Variants in UQCC2 observed in about 807,000 individuals in gnomAD.
UQCC2 encodes breast cancer-associated protein SGA-81M.
Under a neutral mutation model 19.9 loss-of-function variants are expected in UQCC2, and 21 were observed. The observed-to-expected ratio is 1.05, with a 90% CI of 0.75 to 1.52. UQCC2 has a LOEUF of 1.52. Among genes scored for constraint, UQCC2 ranks in the 40% most tolerant of loss-of-function variants. UQCC2 has a pLI of 0.00. For missense variants in UQCC2, 135 were observed against 157.5 expected, an observed-to-expected ratio of 0.86 and a Z score of 0.76; for synonymous variants, 57 against 60.9, an observed-to-expected ratio of 0.94 and a Z score of 0.30.
At chr6:33,708,243 C>T (rs998761014) in intron 1 of UQCC2, among the ~76,000 whole-genome samples, 3 of 152,154 alleles carry the variant, frequency 2.0e-5, no homozygotes, top group African/African-American at 4.8e-5. Flanking sequence ...AGTGGTTTGA[C>T]GTTCATGGAA....
At chr6:33,709,690 TAC>T (rs1287061007) in intron 1 of UQCC2, among the ~76,000 whole-genome samples, 5 of 152,004 alleles carry the variant, frequency 3.3e-5, no homozygotes, top group Admixed American at 2.0e-4. Flanking sequence ...CAATCAGCAG[TAC>T]AGTCACAATG....
intron 1 of UQCC2, among the ~76,000 whole-genome samples, chr6:33,711,243 C>T (rs1031804839): frequency 2.0e-5 from 3 of 152,158 alleles, no homozygotes; most frequent in Admixed American, 6.5e-5. Flanking sequence ...TCATCCTGGG[C>T]TCAAGCGATC....
At position 33,708,175 on chromosome 6, in the gene UQCC2, T is replaced by C. The variant is rs1765721934; in HGVS notation, c.138+3374A>G. Among the ~76,000 whole-genome samples, 3 of 152,220 alleles carry C rather than the reference T, an allele frequency of 2.0e-5. No individual in the cohort carries two copies. In the South Asian group the frequency reaches 6.2e-4, roughly 31 times the overall value. On this transcript the variant is annotated intron_variant, in intron 1 of 3. Transcript: ENST00000607484. ...AGGTGGGTAAACACAGGGAGTTCCA[T>C]TTGCTGCCCAAACTATCTATGGCCC...
chr6:33,699,582 A>AT lies in UQCC2; in HGVS notation c.283+861dup, dbSNP rs560838092. On this transcript the variant is annotated intron_variant, in intron 3 of 3. Coordinates refer to ENST00000607484, the MANE Select transcript of UQCC2 (RefSeq NM_032340.4). The stretch of plus-strand genomic sequence containing the variant: ...AATAAAGTGATTCTGCCTGGCCAAA[A>AT]TATCTTCACCACAGTTTCCCAGAGA... Among the ~76,000 whole-genome samples, 17 of 152,360 alleles carry AT rather than the reference A, an allele frequency of 1.1e-4. No homozygotes were observed. In the East Asian group the frequency reaches 1.9e-3, roughly 17 times the overall value.
At chr6:33,710,053 C>CA (rs1765747694) in intron 1 of UQCC2, among the ~76,000 whole-genome samples, 1 of 152,048 alleles carries the variant, frequency 6.6e-6, no homozygotes, top group Non-Finnish European at 1.5e-5. Flanking sequence ...ATGCCCAGGC[C>CA]AAAAAATATC....
intron 1 of UQCC2, among the ~76,000 whole-genome samples, chr6:33,701,664 A>G (rs1765642057): frequency 6.6e-6 from 1 of 152,124 alleles, no homozygotes; most frequent in Admixed American, 6.5e-5. Flanking sequence ...TCAATTAATC[A>G]GCAAACAAGC....
At chr6:33,705,272 C>G (rs1195481056) in intron 1 of UQCC2, among the ~76,000 whole-genome samples, 1 of 152,080 alleles carries the variant, frequency 6.6e-6, no homozygotes, top group Admixed American at 6.6e-5. Flanking sequence ...ACCTTGTGAT[C>G]CGCCCACCTC....
At chr6:33,705,032 TC>T (rs1193708800) in intron 1 of UQCC2, among the ~76,000 whole-genome samples, 7 of 131,506 alleles carry the variant, frequency 5.3e-5, no homozygotes, top group African/African-American at 1.6e-4. Flanking sequence ...TACTCTCACT[TC>T]TTTTTTTTTT....
intron 3 of UQCC2, chr6:33,698,004 C>T (rs1561888418): frequency 4.0e-6 from 2 of 501,650 alleles, no homozygotes; most frequent in East Asian, 7.0e-5. Flanking sequence ...TCCTCACCCT[C>T]GGCATCAAAG....
At chr6:33,704,072 T>C (rs1415857643) in intron 1 of UQCC2, among the ~76,000 whole-genome samples, 1 of 152,130 alleles carries the variant, frequency 6.6e-6, no homozygotes, top group African/African-American at 2.4e-5. Context: ...GGTGTGAGGA[T>C]AAATGAGGTG....
At chr6:33,698,780 C>T (rs1261044943) in intron 3 of UQCC2, 2 of 152,220 alleles carry the variant, frequency 1.3e-5, no homozygotes, top group Non-Finnish European at 2.9e-5. Context: ...TGTCTCCAGA[C>T]ATTGCCACAT....
intron 1 of UQCC2, among the ~76,000 whole-genome samples, chr6:33,710,102 A>T (rs1169475144): frequency 6.6e-6 from 1 of 151,972 alleles, no homozygotes; most frequent in Non-Finnish European, 1.5e-5. Context: ...CCTTTATCCC[A>T]CATCCCATAT....
At chr6:33,704,005 G>A (rs1318320577) in intron 1 of UQCC2, among the ~76,000 whole-genome samples, 1 of 152,098 alleles carries the variant, frequency 6.6e-6, no homozygotes, top group East Asian at 1.9e-4. Flanking sequence ...AAAGCATACT[G>A]GCCAACTTAA....
rs1765567444 is a variant in UQCC2, at chr6:33,696,947, G to T, written c.*706C>A. ...TATCAGTAAGAGCCAAGGTTCCATG[G>T]AATAATGAGGTGACCCTGTGTGTGT... On this transcript the variant is annotated 3_prime_UTR_variant, in exon 4 of 4. Transcript: ENST00000607484. 6.6e-6 allele frequency: 1 copy of T among 152,342 alleles called. No individual in the cohort carries two copies. The highest frequency in any genetic ancestry group is 6.5e-5 in the Admixed American group (1 of 15,296). 9.4% of individuals were successfully genotyped at this position (152,342 alleles called of 1,614,324 possible). A position where few individuals can be genotyped will look rare whatever the true frequency, so the allele number is the denominator to read the frequency against.
chr6:33,707,195 T>A (rs1324482961), intron 1 of UQCC2, among the ~76,000 whole-genome samples: 1 of 152,250 alleles, frequency 6.6e-6, no homozygotes, highest in African/African-American at 2.4e-5. Flanking sequence ...GAAAAAAAGA[T>A]GGAGATGTTT....
Position 33,709,227 on chromosome 6 carries a change from C to A in UQCC2, c.138+2322G>T, listed in dbSNP as rs557550247. Among the ~76,000 whole-genome samples the A allele has an allele frequency of 2.2e-4, 34 of 152,320 alleles. No homozygotes were observed. In the South Asian group the frequency reaches 6.8e-3, roughly 31 times the overall value. ...CAGGTTATGGCCTTCCTCCATAGATCCTGCAATTTCCCAAACATGGTAAGC... is the reference window on the plus strand; with the variant it reads ...CAGGTTATGGCCTTCCTCCATAGATACTGCAATTTCCCAAACATGGTAAGC... On this transcript the variant is annotated intron_variant, in intron 1 of 3. Coordinates refer to ENST00000607484, the MANE Select transcript of UQCC2 (RefSeq NM_032340.4).
Position 33,700,308 on chromosome 6 carries a change from A to G in UQCC2, c.283+136T>C, listed in dbSNP as rs1765624120. ...TATGGTCAAAATGCATGCGCCCTGT[A>G]GCTTCAGAATTTCCTCTGGGCTGTT... On this transcript the variant is annotated intron_variant, in intron 3 of 3. Transcript: ENST00000607484. The G allele has an allele frequency of 4.4e-6, 4 of 898,890 alleles. No individual in the cohort carries two copies. In the Admixed American group the frequency reaches 6.0e-5, roughly 14 times the overall value. The allele number at this position is 898,890 out of a possible 1,614,324, so 55.7% of individuals were successfully genotyped here.
At chr6:33,700,653 G>A (rs1765628594) in intron 2 of UQCC2, 140 bp from the exon 3 acceptor site, 1 of 807,754 alleles carries the variant, frequency 1.2e-6, no homozygotes, top group Admixed American at 2.1e-5. Context: ...CCACCTCGAG[G>A]TCAAGACTTG....
chr6:33,706,245 A>G (rs1337209641), intron 1 of UQCC2, among the ~76,000 whole-genome samples: 4 of 152,174 alleles, frequency 2.6e-5, no homozygotes, highest in African/African-American at 7.2e-5. Context: ...GAGGATCTAT[A>G]AAAAAAGGTT....
Sources: allele counts gnomAD v4.1 joint callset (sites outside exome capture counted in the v4.1 genomes callset), GRCh38; gene constraint gnomAD v4.1.1; transcripts MANE v1.5; gene names NCBI Gene and HGNC (gene_info 2026-07-23, HGNC 2026-07-21).